IGFBP7: variants seen among roughly 807,000 people sequenced by gnomAD.
IGFBP7 encodes the protein insulin like growth factor binding protein 7, also known as insulin-like growth factor-binding protein 7.
In IGFBP7, 31 loss-of-function variants were observed where a neutral mutation model predicts 29.4. The ratio of observed to expected loss-of-function variants is 1.05; its 90% CI spans 0.79 to 1.42. IGFBP7 has a LOEUF of 1.42. Among genes scored for constraint, IGFBP7 ranks in the 40% most tolerant of loss-of-function variants. The probability of loss-of-function intolerance (pLI) is 0.00; values close to 1 mark genes in which losing one functional copy is unlikely to be tolerated. For synonymous variants in IGFBP7, 172 were observed against 174.9 expected (o/e 0.98, Z 0.13); for missense variants, 393 against 395.5 (o/e 0.99, Z 0.05).
rs925319622 is a variant in IGFBP7, at chr4:57,033,323, A to C, written c.586-12T>G. ...TGACCCCTTTTTACCTGCAAAAACA[A>C]AAGGAGAGTAATACTGAGTTTTGTA... is the stretch of plus-strand genomic sequence containing the variant. On this transcript the variant is annotated splice_polypyrimidine_tract_variant and intron_variant, in intron 2 of 4. Transcript: ENST00000295666. 1.3e-6 allele frequency: 2 copies of C among 1,558,150 alleles called. No individual in the cohort carries two copies. The highest frequency in any genetic ancestry group is 1.8e-6 in the Non-Finnish European group (2 of 1,128,860).
At chr4:57,044,154 G>A (rs532141427) in intron 1 of IGFBP7, among the ~76,000 whole-genome samples, 19 of 152,258 alleles carry the variant, frequency 1.2e-4, no homozygotes, top group African/African-American at 4.6e-4. Context: ...AGGATCTGAG[G>A]GCCTCAGCCC....
chr4:57,073,047 C>A, intron 1 of IGFBP7: 1 of 1,340,616 alleles, frequency 7.5e-7, no homozygotes, highest in Non-Finnish European at 1.1e-6. Context: ...AACAGGCATG[C>A]TGCCAAGCTC....
chr4:57,062,829 TA>T (rs1724830773), intron 1 of IGFBP7, among the ~76,000 whole-genome samples: 1 of 152,034 alleles, frequency 6.6e-6, no homozygotes, highest in African/African-American at 2.4e-5. Flanking sequence ...ATCCTTCTAT[TA>T]GAGAAAATGT....
At chr4:57,071,664 G>A (rs1267476326) in intron 1 of IGFBP7, among the ~76,000 whole-genome samples, 1 of 152,170 alleles carries the variant, frequency 6.6e-6, no homozygotes. Flanking sequence ...ATCAGAATAG[G>A]TCTAAGGGAG....
intron 1 of IGFBP7, among the ~76,000 whole-genome samples, chr4:57,089,457 G>C (rs1725582940): frequency 6.6e-6 from 1 of 152,136 alleles, no homozygotes; most frequent in East Asian, 1.9e-4. Flanking sequence ...TTTCAGATAG[G>C]ACTTCTTTCC....
intron 2 of IGFBP7, among the ~76,000 whole-genome samples, chr4:57,039,131 G>T (rs1463504781): frequency 6.7e-6 from 1 of 148,372 alleles, no homozygotes; most frequent in Non-Finnish European, 1.5e-5. Flanking sequence ...GGTGTTAGTT[G>T]ATGGCAAATA....
intron 1 of IGFBP7, among the ~76,000 whole-genome samples, chr4:57,071,317 T>G (rs1315517712): frequency 6.6e-6 from 1 of 152,180 alleles, no homozygotes; most frequent in African/African-American, 2.4e-5. Flanking sequence ...TATACATACA[T>G]CTCAGCAAGT....
intron 1 of IGFBP7, among the ~76,000 whole-genome samples, chr4:57,049,303 A>G (rs1294972454): frequency 3.3e-5 from 5 of 152,064 alleles, no homozygotes; most frequent in Admixed American, 3.3e-4. Flanking sequence ...ACCCCCAATA[A>G]TCATTTCTGT....
intron 1 of IGFBP7, among the ~76,000 whole-genome samples, chr4:57,095,247 C>T (rs1725733395): frequency 6.6e-6 from 1 of 152,144 alleles, no homozygotes; most frequent in Non-Finnish European, 1.5e-5. Context: ...TAAACAGAAT[C>T]ACACATAAAA....
chr4:57,110,312 C>A lies in IGFBP7; in HGVS notation c.40G>T (p.Ala14Ser). The change falls in exon 1 of 5, where the codon GCT (alanine) becomes TCT (serine). Residue 14 changes from alanine (A) to serine (S), a missense_variant. By Grantham distance (99) the Ala-to-Ser change is moderately conservative. Coordinates refer to ENST00000295666, the MANE Select transcript of IGFBP7 (RefSeq NM_001553.3). Reference protein sequence around the residue: ...PSLRALLLGAAGLLLLLLPLS... With the variant: ...PSLRALLLGASGLLLLLLPLS... ...GGCAGGAGCAGGAGCAGCAGCCCAG[C>A]GGCGCCGAGGAGCAGGGCGCGCAGC... The A allele has an allele frequency of 7.1e-7, 1 of 1,412,964 alleles. No individual in the cohort carries two copies. Among genetic ancestry groups the A allele is most frequent in the Non-Finnish European group, 9.2e-7 (1 of 1,082,642 alleles). The allele number at this position is 1,412,964 out of a possible 1,614,324, so 87.5% of individuals were successfully genotyped here.
At chr4:57,086,052 G>A (rs1725490267) in intron 1 of IGFBP7, among the ~76,000 whole-genome samples, 2 of 152,166 alleles carry the variant, frequency 1.3e-5, no homozygotes, top group Non-Finnish European at 2.9e-5. Flanking sequence ...AAGTAAAGAG[G>A]TTTAATGGAC....
intron 1 of IGFBP7, among the ~76,000 whole-genome samples, chr4:57,083,463 A>G (rs1388409796): frequency 6.6e-6 from 1 of 152,194 alleles, no homozygotes; most frequent in Non-Finnish European, 1.5e-5. Context: ...TTAATTCACT[A>G]TTTATTACTT....
chr4:57,045,854 T>C (rs1253551315), intron 1 of IGFBP7, among the ~76,000 whole-genome samples: 1 of 151,694 alleles, frequency 6.6e-6, no homozygotes, highest in African/African-American at 2.4e-5. Flanking sequence ...GCCTCCCAAG[T>C]AGCTGGAATT....
chr4:57,074,092 G>A (rs560690843), intron 1 of IGFBP7, among the ~76,000 whole-genome samples: 40 of 150,544 alleles, frequency 2.7e-4, no homozygotes, highest in African/African-American at 8.1e-4. Flanking sequence ...ACACAGTCTC[G>A]CTGTGTCACC....
intron 1 of IGFBP7, among the ~76,000 whole-genome samples, chr4:57,070,404 T>C (rs1199922482): frequency 1.3e-5 from 2 of 152,262 alleles, no homozygotes; most frequent in African/African-American, 4.8e-5. Context: ...TGTCTTATTA[T>C]GTTAACACAG....
Position 57,032,231 on chromosome 4 carries a change from C to T in IGFBP7, c.829+195G>A, listed in dbSNP as rs973161575. 1.4e-5 allele frequency: 19 copies of T among 1,383,474 alleles called. No individual in the cohort carries two copies. The East Asian group carries it at 4.2e-4, about 30-fold the overall frequency. The allele number at this position is 1,383,474 out of a possible 1,614,324, so 85.7% of individuals were successfully genotyped here. ...GGTAAAAGCATCTAAGTCATAATAA[C>T]GATGTTCAGTCACCCATCCAGATAA... On this transcript the variant is annotated intron_variant, in intron 4 of 4. Transcript: ENST00000295666.
intron 2 of IGFBP7, among the ~76,000 whole-genome samples, chr4:57,034,260 G>T (rs1274652025): frequency 6.6e-6 from 1 of 151,850 alleles, no homozygotes; most frequent in Non-Finnish European, 1.5e-5. Flanking sequence ...ATATACAAAA[G>T]AATGAAATTC....
At chr4:57,105,904 T>C (rs978840190) in intron 1 of IGFBP7, among the ~76,000 whole-genome samples, 2 of 96,106 alleles carry the variant, frequency 2.1e-5, no homozygotes, top group East Asian at 6.4e-4. Flanking sequence ...GCCCATTTTT[T>C]AAATTTTTTT....
rs1396488189 is a variant in IGFBP7 at position 57,031,300 on chromosome 4, A to G, written c.*17T>C. ...ATGACTACTTTTAACCATGCAGACT[A>G]ATAATATTCTGGAGGTTTATAGCTC... On this transcript the variant is annotated 3_prime_UTR_variant, in exon 5 of 5. Coordinates refer to ENST00000295666, the MANE Select transcript of IGFBP7 (RefSeq NM_001553.3). 1.9e-6 allele frequency: 3 copies of G among 1,599,840 alleles called. No individual in the cohort carries two copies. Among genetic ancestry groups the G allele is most frequent in the Admixed American group, 3.3e-5 (2 of 59,970 alleles).
Sources: gnomAD v4.1 joint callset for allele counts (sites outside exome capture counted in the v4.1 genomes callset) on GRCh38, gnomAD v4.1.1 for gene constraint, MANE v1.5 for transcripts, NCBI Gene and HGNC (gene_info 2026-07-23, HGNC 2026-07-21) for gene names.